Variants in PIEZO2 observed in about 807,000 individuals in gnomAD.
PIEZO2 encodes the protein piezo-type mechanosensitive ion channel component 2.
Under a neutral mutation model 337.3 loss-of-function variants are expected in PIEZO2, and 172 were observed. The ratio of observed to expected loss-of-function variants is 0.51; its 90% CI spans 0.45 to 0.58. PIEZO2 has a LOEUF of 0.58. Ranked by LOEUF, PIEZO2 falls within the 20% of genes least tolerant of loss-of-function variation. PIEZO2 has a pLI of 0.00. For missense variants in PIEZO2, 3,028 were observed against 3,391.3 expected, an observed-to-expected ratio of 0.89 and a Z score of 2.66; for synonymous variants, 1,251 against 1,228.5, an observed-to-expected ratio of 1.02 and a Z score of -0.38.
At chr18:10,812,984 C>CT (rs5823122) in intron 7 of PIEZO2, among the ~76,000 whole-genome samples, 62,978 of 146,214 alleles carry the variant, frequency 0.43, 13,868 homozygotes, top group East Asian at 0.77. Flanking sequence ...TTATTTTAAA[C>CT]TTTTTTTTTT....
chr18:10,684,148 C>T (rs2034417014), intron 49 of PIEZO2, among the ~76,000 whole-genome samples: 3 of 107,042 alleles, frequency 2.8e-5, no homozygotes, highest in African/African-American at 7.2e-5. Flanking sequence ...CTTTCTCTGT[C>T]TTTCCTCTTT....
At chr18:10,737,454 T>G (rs562914874) in intron 33 of PIEZO2, among the ~76,000 whole-genome samples, 1 of 152,322 alleles carries the variant, frequency 6.6e-6, no homozygotes, top group East Asian at 1.9e-4. Flanking sequence ...AGACTGAGAA[T>G]GGCAGACAGG....
intron 4 of PIEZO2, among the ~76,000 whole-genome samples, chr18:10,904,454 C>G (rs1020510279): frequency 2.0e-5 from 3 of 152,168 alleles, no homozygotes; most frequent in African/African-American, 7.2e-5. Flanking sequence ...AGTCACTCTC[C>G]TTTCTTACGA....
Position 11,101,830 on chromosome 18 carries a change from T to G in PIEZO2, c.65-35608A>C, listed in dbSNP as rs2146096314. ...GGCCTCGGCTACTCCCATGCTAAAT[T>G]TTTGGGACACACAAGCTCTTGTACT... On this transcript the variant is annotated intron_variant, in intron 1 of 55. Coordinates refer to ENST00000674853, the MANE Select transcript of PIEZO2 (RefSeq NM_001378183.1). The surrounding 1 kb of genome is among the most constrained non-coding windows in gnomAD (Gnocchi z 4.4). Among the ~76,000 whole-genome samples the G allele has an allele frequency of 6.6e-6, 1 of 152,282 alleles. No individual in the cohort carries two copies. The highest frequency in any genetic ancestry group is 2.1e-4 in the South Asian group (1 of 4,824).
chr18:10,977,722 A>G (rs1417864377), intron 3 of PIEZO2, among the ~76,000 whole-genome samples: 1 of 152,232 alleles, frequency 6.6e-6, no homozygotes, highest in Non-Finnish European at 1.5e-5. Context: ...TAACAATTGA[A>G]TATTATACAG....
chr18:10,684,564 G>A (rs996316500), intron 49 of PIEZO2, among the ~76,000 whole-genome samples: 4 of 150,736 alleles, frequency 2.7e-5, no homozygotes, highest in African/African-American at 4.9e-5. Flanking sequence ...ACCTGGGCTC[G>A]AGAGATTCTC....
At chr18:10,970,511 T>C (rs536314158) in intron 3 of PIEZO2, among the ~76,000 whole-genome samples, 3 of 152,340 alleles carry the variant, frequency 2.0e-5, no homozygotes, top group Admixed American at 2.0e-4. Flanking sequence ...GCTAAGTCTC[T>C]TTATCTGCAA....
chr18:11,113,739 A>G (rs1288204973), intron 1 of PIEZO2, among the ~76,000 whole-genome samples: 1 of 152,232 alleles, frequency 6.6e-6, no homozygotes, highest in African/African-American at 2.4e-5. Flanking sequence ...TCATCCCCTT[A>G]GCACATTCTC....
intron 2 of PIEZO2, among the ~76,000 whole-genome samples, chr18:11,043,401 A>T (rs901970020): frequency 2.0e-5 from 3 of 152,236 alleles, no homozygotes; most frequent in African/African-American, 7.2e-5. Flanking sequence ...CCCACGTATT[A>T]GTATGCTAAA....
chr18:10,855,472 C>G lies in PIEZO2; in HGVS notation c.798G>C (p.Leu266Phe). The change falls in exon 7 of 56, where the codon TTG becomes TTC. Residue 266 changes from leucine (L) to phenylalanine (F), a missense_variant. Physicochemically the swap from Leu to Phe is conservative, Grantham distance 22. This residue lies in a region of PIEZO2 where 542 missense variants were observed against 605.6 expected (regional missense o/e 0.89). Transcript: ENST00000674853. This position sits in a 1 kb window ranked among gnomAD's most constrained non-coding sequence, Gnocchi z 4.9. ...WWSWCRTFDP[L>F]LFSCLCVLLA... Reference sequence around the variant, plus strand: ...GCAGAACACAGAGACAGCTGAACAGCAATGGGTCGAACGTCCGGCACCAGG... The same window carrying G: ...GCAGAACACAGAGACAGCTGAACAGGAATGGGTCGAACGTCCGGCACCAGG... 6.5e-7 allele frequency: 1 copy of G among 1,537,112 alleles called. No individual in the cohort carries two copies. The highest frequency in any genetic ancestry group is 1.4e-5 in the African/African-American group (1 of 73,140).
At chr18:10,911,496 T>G (rs1439544220) in intron 3 of PIEZO2, among the ~76,000 whole-genome samples, 3 of 151,064 alleles carry the variant, frequency 2.0e-5, no homozygotes, top group Non-Finnish European at 4.4e-5. Context: ...GGCTAACGTC[T>G]GTAATCCCAG....
intron 49 of PIEZO2, among the ~76,000 whole-genome samples, chr18:10,686,042 A>G (rs1256706353): frequency 2.0e-5 from 3 of 152,072 alleles, no homozygotes; most frequent in Non-Finnish European, 4.4e-5. Flanking sequence ...GCTTTTCCTT[A>G]TCGTCTCCAG....
intron 1 of PIEZO2, among the ~76,000 whole-genome samples, chr18:11,075,419 AT>A (rs1186730575): frequency 1.3e-5 from 2 of 152,230 alleles, no homozygotes; most frequent in African/African-American, 4.8e-5. Context: ...CACCTGATTC[AT>A]TGTCTATCAG....
chr18:11,054,864 G>A (rs1293890308), intron 2 of PIEZO2, among the ~76,000 whole-genome samples: 3 of 152,140 alleles, frequency 2.0e-5, no homozygotes, highest in Non-Finnish European at 2.9e-5. Flanking sequence ...AGACTGATGA[G>A]GCACTCCTGC....
intron 51 of PIEZO2, among the ~76,000 whole-genome samples, chr18:10,681,066 TTGTCA>T (rs1300650454): frequency 3.6e-4 from 55 of 152,322 alleles, no homozygotes; most frequent in Non-Finnish European, 7.2e-4. Flanking sequence ...GTTTGAGAAA[TTGTCA>T]TGTCATTTAT....
At chr18:11,135,075 T>G (rs918575129) in intron 1 of PIEZO2, among the ~76,000 whole-genome samples, 1 of 152,044 alleles carries the variant, frequency 6.6e-6, no homozygotes, top group African/African-American at 2.4e-5. Flanking sequence ...ATGTTTCTAT[T>G]AAGAGATGAA....
At chr18:10,762,737 G>A in intron 22 of PIEZO2, 112 bp from the exon 23 acceptor site, 1 of 1,375,802 alleles carries the variant, frequency 7.3e-7, no homozygotes, top group South Asian at 1.4e-5. Context: ...GGGAGGGACA[G>A]GCCCATTTCA....
chr18:10,901,982 TG>T (rs2043061163), intron 4 of PIEZO2, among the ~76,000 whole-genome samples: 1 of 151,524 alleles, frequency 6.6e-6, no homozygotes. Context: ...GGACTGGTAC[TG>T]GTCCTCGTCC....
At chr18:10,978,533 C>T (rs1334914485) in intron 3 of PIEZO2, among the ~76,000 whole-genome samples, 1 of 152,104 alleles carries the variant, frequency 6.6e-6, no homozygotes, top group African/African-American at 2.4e-5. Context: ...TGAACACTAA[C>T]TTTAGCTCTC....
Sources: allele counts gnomAD v4.1 joint callset (sites outside exome capture counted in the v4.1 genomes callset), GRCh38; gene constraint gnomAD v4.1.1; regional missense constraint gnomAD v4.1.1; non-coding constraint Gnocchi (gnomAD v3.1); transcripts MANE v1.5; gene names NCBI Gene and HGNC (gene_info 2026-07-23, HGNC 2026-07-21).